Variants in EXOC4 observed in about 807,000 individuals in gnomAD.
EXOC4 encodes the protein SEC8-like 1.
EXOC4 carries 71 observed loss-of-function variants against 107.2 expected under a neutral mutation model. That is an observed-to-expected ratio of 0.66 (90% confidence interval 0.55 to 0.81). The LOEUF (loss-of-function observed/expected upper bound fraction) is 0.81, where lower values mean the gene tolerates loss of function less well. EXOC4 is among the 30% of genes least tolerant of loss of function. The pLI, the probability that EXOC4 is intolerant of heterozygous loss-of-function variation, is 0.00. For missense variants in EXOC4, 1,108 were observed against 1,189.6 expected, an observed-to-expected ratio of 0.93 and a Z score of 1.01; for synonymous variants, 456 against 441.2, an observed-to-expected ratio of 1.03 and a Z score of -0.42.
intron 7 of EXOC4, among the ~76,000 whole-genome samples, chr7:133,386,768 G>C (rs1398681750): frequency 1.3e-5 from 2 of 152,022 alleles, no homozygotes; most frequent in Non-Finnish European, 2.9e-5. Context: ...TCTAATCTTG[G>C]CTTGTAAGAT....
intron 11 of EXOC4, among the ~76,000 whole-genome samples, chr7:133,851,569 A>T (rs1798241015): frequency 6.6e-6 from 1 of 152,144 alleles, no homozygotes; most frequent in Non-Finnish European, 1.5e-5. Flanking sequence ...GGAGCCAGGG[A>T]GTGAATGAAG....
intron 1 of EXOC4, among the ~76,000 whole-genome samples, chr7:133,258,306 A>T (rs1485357771): frequency 6.6e-6 from 1 of 152,102 alleles, no homozygotes; most frequent in Non-Finnish European, 1.5e-5. Context: ...GGATTTCCTG[A>T]AGGCTTTGAG....
At chr7:134,070,781 G>GGAA (rs1554442763), downstream of EXOC4, among the ~76,000 whole-genome samples, 9 of 144,680 alleles carry the variant, frequency 6.2e-5, no homozygotes, top group African/African-American at 2.3e-4. Flanking sequence ...CAAATAACTG[G>GGAA]AAAAAAAATA....
chr7:133,704,531 ACAGAG>A (rs1794728034), intron 10 of EXOC4, among the ~76,000 whole-genome samples: 1 of 152,178 alleles, frequency 6.6e-6, no homozygotes, highest in Admixed American at 6.5e-5. Flanking sequence ...ATCTTTCACC[ACAGAG>A]CAGAGAATAA....
chr7:133,475,097 C>T (rs943847515), intron 7 of EXOC4, among the ~76,000 whole-genome samples: 1 of 152,078 alleles, frequency 6.6e-6, no homozygotes, highest in African/African-American at 2.4e-5. Context: ...TCCTTTTACT[C>T]CCATGTTCAA....
At chr7:133,418,802 C>T (rs996287101) in intron 7 of EXOC4, among the ~76,000 whole-genome samples, 32 of 152,068 alleles carry the variant, frequency 2.1e-4, no homozygotes, top group Admixed American at 6.6e-4. Context: ...CGCTGGGAGA[C>T]CATTGTAATT....
At chr7:133,770,073 A>C (rs1252733879) in intron 10 of EXOC4, among the ~76,000 whole-genome samples, 2 of 41,278 alleles carry the variant, frequency 4.8e-5, no homozygotes, top group Admixed American at 3.5e-4. Context: ...ATACATGTGG[A>C]ATGTCACTTT....
intron 11 of EXOC4, among the ~76,000 whole-genome samples, chr7:133,824,453 G>C (rs756254501): frequency 3.3e-5 from 5 of 152,026 alleles, no homozygotes; most frequent in Non-Finnish European, 5.9e-5. Context: ...CTACTACCCT[G>C]GTGTGACAGC....
intron 9 of EXOC4, among the ~76,000 whole-genome samples, chr7:133,605,970 G>C (rs1192465013): frequency 6.6e-6 from 1 of 152,068 alleles, no homozygotes; most frequent in Admixed American, 6.6e-5. Context: ...ACAGTATAAG[G>C]TCCTGGAAGC....
At position 133,376,065 on chromosome 7, in the gene EXOC4, A is replaced by G. The variant is rs1796483775; in HGVS notation, c.1182+1063A>G. Among the ~76,000 whole-genome samples, 6 of 152,180 alleles carry G rather than the reference A, an allele frequency of 3.9e-5. No homozygotes were observed. In the South Asian group the frequency reaches 1.2e-3, roughly 32 times the overall value. ...TGAAATTACTTGCATGGCAAATAAG[A>G]GTCTTTGCAGAAAAAAGTAAATCAT... On this transcript the variant is annotated intron_variant, in intron 7 of 17. Transcript: ENST00000253861.
Position 133,288,836 on chromosome 7 carries a change from A to G in EXOC4, c.277-86A>G, listed in dbSNP as rs1051251837. On this transcript the variant is annotated intron_variant, in intron 2 of 17. Transcript: ENST00000253861. ...GGAATTAGGAACTGCTGCATACAGT[A>G]GTACCAGTGAAGACTACTAACCAGA... The G allele has an allele frequency of 1.1e-5, 12 of 1,064,488 alleles. No homozygotes were observed. The African/African-American group carries it at 1.7e-4, about 15-fold the overall frequency. 65.9% of individuals were successfully genotyped at this position (1,064,488 alleles called of 1,614,324 possible). A position where few individuals can be genotyped will look rare whatever the true frequency, so the allele number is the denominator to read the frequency against.
At chr7:133,509,363 G>T (rs938921364) in intron 9 of EXOC4, among the ~76,000 whole-genome samples, 1 of 151,414 alleles carries the variant, frequency 6.6e-6, no homozygotes, top group African/African-American at 2.4e-5. Flanking sequence ...ATGAGGTGGA[G>T]CTTGCAGTGA....
intron 7 of EXOC4, among the ~76,000 whole-genome samples, chr7:133,426,483 A>T (rs989694122): frequency 2.0e-5 from 3 of 152,278 alleles, no homozygotes; most frequent in Admixed American, 6.5e-5. Context: ...GTGTGGGATA[A>T]TAATAGTATC....
At chr7:133,881,540 A>G (rs1445210587) in intron 11 of EXOC4, among the ~76,000 whole-genome samples, 2 of 152,098 alleles carry the variant, frequency 1.3e-5, no homozygotes, top group African/African-American at 4.8e-5. Flanking sequence ...GCAGATGCCC[A>G]TCATAGCACC....
chr7:134,052,019 T>C (rs1795804572), intron 17 of EXOC4, among the ~76,000 whole-genome samples: 1 of 151,852 alleles, frequency 6.6e-6, no homozygotes, highest in Non-Finnish European at 1.5e-5. Flanking sequence ...TGTGGCTCCA[T>C]GACAGTTGGG....
At chr7:133,345,216 ATC>A (rs770698128) in intron 5 of EXOC4, among the ~76,000 whole-genome samples, 13 of 152,184 alleles carry the variant, frequency 8.5e-5, no homozygotes, top group Non-Finnish European at 1.8e-4. Flanking sequence ...TACACATACT[ATC>A]TCCATTTCAT....
the EXOC4 span, among the ~76,000 whole-genome samples, chr7:134,093,077 C>A: frequency 2.0e-5 from 3 of 152,010 alleles, no homozygotes; most frequent in Non-Finnish European, 4.4e-5. Flanking sequence ...ATCAAAACCT[C>A]GCACGTAAAT....
intron 7 of EXOC4, among the ~76,000 whole-genome samples, chr7:133,469,393 A>G (rs1798815487): frequency 6.6e-6 from 1 of 152,126 alleles, no homozygotes; most frequent in South Asian, 2.1e-4. Context: ...TCCAGCCTGG[A>G]TGACAGAGTG....
intron 10 of EXOC4, among the ~76,000 whole-genome samples, chr7:133,737,614 T>C (rs1453583761): frequency 6.6e-6 from 1 of 152,150 alleles, no homozygotes; most frequent in Non-Finnish European, 1.5e-5. Context: ...GTTTGTACAT[T>C]AGAAGATGGC....
Sources: gnomAD v4.1 joint callset for allele counts (sites outside exome capture counted in the v4.1 genomes callset) on GRCh38, gnomAD v4.1.1 for gene constraint, MANE v1.5 for transcripts, NCBI Gene and HGNC (gene_info 2026-07-23, HGNC 2026-07-21) for gene names.